Variants in DLGAP2 observed in about 807,000 individuals in gnomAD.
DLGAP2 encodes the protein disks large-associated protein 2.
Under a neutral mutation model 100.3 loss-of-function variants are expected in DLGAP2, and 26 were observed. That is an observed-to-expected ratio of 0.26 (90% CI 0.19 to 0.36). The LOEUF is 0.36. Ranked by LOEUF, DLGAP2 falls within the 10% of genes least tolerant of loss-of-function variation. The pLI, the probability that DLGAP2 is intolerant of heterozygous loss-of-function variation, is 1.00. For missense variants in DLGAP2, 1,858 were observed against 1,453.2 expected (o/e 1.28, Z -4.53); for synonymous variants, 886 against 630.1 (o/e 1.41, Z -6.08).
At chr8:1,452,885 G>T (rs568152806) in intron 3 of DLGAP2, among the ~76,000 whole-genome samples, 5 of 152,170 alleles carry the variant, frequency 3.3e-5, no homozygotes, top group Non-Finnish European at 5.9e-5. Flanking sequence ...TTGTAAAAGG[G>T]GGGTGGCCAG....
chr8:823,157 C>T (rs1052829648), intron 1 of DLGAP2, among the ~76,000 whole-genome samples: 4 of 152,118 alleles, frequency 2.6e-5, no homozygotes, highest in East Asian at 1.9e-4. Flanking sequence ...CTCAGAGTTC[C>T]GATACTTTCT....
intron 2 of DLGAP2, among the ~76,000 whole-genome samples, chr8:1,187,964 G>A (rs1471449152): frequency 5.0e-5 from 6 of 119,502 alleles, no homozygotes; most frequent in Admixed American, 3.1e-4. Context: ...TTTCCCTCAC[G>A]GAATCTCAAA....
chr8:1,344,104 G>GGTCTTTGTACTCGGGGCGCTGTCGTGT (rs1801486006), intron 3 of DLGAP2, among the ~76,000 whole-genome samples: 2 of 60,944 alleles, frequency 3.3e-5, no homozygotes, highest in African/African-American at 9.9e-5. Flanking sequence ...CCCTGTCGTG[G>GGTCTTTGTACTCGGGGCGCTGTCGTGT]GTCCATGTAT....
chr8:1,234,329 C>T (rs1327937044), intron 2 of DLGAP2, among the ~76,000 whole-genome samples: 1 of 152,142 alleles, frequency 6.6e-6, no homozygotes, highest in Non-Finnish European at 1.5e-5. Flanking sequence ...TCTTCTGAGC[C>T]TGTGAGGGAA....
intron 8 of DLGAP2, 118 bp downstream of exon 8, chr8:1,633,164 T>G: frequency 1.1e-6 from 1 of 899,416 alleles, no homozygotes; most frequent in Non-Finnish European, 1.7e-6. Context: ...TGACATCTAG[T>G]AACGTTTCCT....
intron 3 of DLGAP2, among the ~76,000 whole-genome samples, chr8:1,340,056 G>A (rs757962110): frequency 2.0e-5 from 3 of 152,118 alleles, no homozygotes; most frequent in Non-Finnish European, 4.4e-5. Context: ...TGCAGAAACT[G>A]GACCCCTTTC....
At position 1,364,356 on chromosome 8, in the gene DLGAP2, G is replaced by A. The variant is rs560244924; in HGVS notation, c.106+105473G>A. Among the ~76,000 whole-genome samples, 7 of 152,300 alleles carry A rather than the reference G, an allele frequency of 4.6e-5. No homozygotes were observed. The South Asian group carries it at 1.2e-3, about 27-fold the overall frequency. On this transcript the variant is annotated intron_variant, in intron 3 of 14. Transcript: ENST00000637795. ...TCAGAATAGGATCGTTCTCGTGATC[G>A]TCAAGGGCTGCCACGTGCGGAATGA...
At position 838,019 on chromosome 8, in the gene DLGAP2, G is replaced by T. The variant is rs573969995; in HGVS notation, c.19-69893G>T. 2.6e-4 allele frequency among the ~76,000 whole-genome samples: 39 copies of T among 151,584 alleles called. No homozygotes were observed. In the South Asian group the frequency reaches 7.5e-3, roughly 29 times the overall value. On this transcript the variant is annotated intron_variant, in intron 1 of 14. Coordinates refer to ENST00000637795, the MANE Select transcript of DLGAP2 (RefSeq NM_001346810.2). The stretch of plus-strand genomic sequence containing the variant: ...TGGGGTTACAGGCGTGAGCCACTGT[G>T]CCCAGCCTGAAATTTATATATATTA...
At chr8:804,521 G>C (rs1375710043) in intron 1 of DLGAP2, among the ~76,000 whole-genome samples, 1 of 152,146 alleles carries the variant, frequency 6.6e-6, no homozygotes, top group East Asian at 1.9e-4. Context: ...CGAGATGCAG[G>C]GCTGACATGC....
intron 2 of DLGAP2, among the ~76,000 whole-genome samples, chr8:972,908 A>C (rs1278119535): frequency 6.6e-5 from 10 of 152,144 alleles, no homozygotes; most frequent in Non-Finnish European, 1.5e-5. Context: ...TGGACACAGC[A>C]GATGTTTCAG....
intron 4 of DLGAP2, among the ~76,000 whole-genome samples, chr8:1,510,102 C>G (rs968119849): frequency 1.3e-5 from 2 of 152,204 alleles, no homozygotes; most frequent in African/African-American, 4.8e-5. Context: ...TAAGGATTTG[C>G]CCCTTTAACT....
intron 2 of DLGAP2, among the ~76,000 whole-genome samples, chr8:1,157,760 T>G (rs1282226391): frequency 1.3e-5 from 2 of 152,244 alleles, no homozygotes; most frequent in Non-Finnish European, 2.9e-5. Context: ...TGCGTGGAGC[T>G]TCGTCATTTG....
intron 6 of DLGAP2, among the ~76,000 whole-genome samples, chr8:1,623,902 C>A (rs960598449): frequency 6.6e-6 from 1 of 152,228 alleles, no homozygotes; most frequent in African/African-American, 2.4e-5. Context: ...TCAGCGGCAA[C>A]ATTTATGTGT....
chr8:1,266,505 C>T (rs1283589803), intron 3 of DLGAP2, among the ~76,000 whole-genome samples: 1 of 152,148 alleles, frequency 6.6e-6, no homozygotes, highest in African/African-American at 2.4e-5. Context: ...AAGCATAAGT[C>T]AGATCATATT....
intron 2 of DLGAP2, among the ~76,000 whole-genome samples, chr8:1,245,256 A>G (rs1798879204): frequency 6.6e-6 from 1 of 152,228 alleles, no homozygotes; most frequent in Admixed American, 6.5e-5. Flanking sequence ...CCCAAGAGAA[A>G]TGAAACATAT....
At chr8:1,463,142 G>A (rs960783217) in intron 3 of DLGAP2, among the ~76,000 whole-genome samples, 1 of 152,138 alleles carries the variant, frequency 6.6e-6, no homozygotes, top group Non-Finnish European at 1.5e-5. Context: ...CCCGCTACTC[G>A]GGAGGCTGAG....
At chr8:781,197 A>G (rs953724681) in intron 1 of DLGAP2, among the ~76,000 whole-genome samples, 1 of 152,150 alleles carries the variant, frequency 6.6e-6, no homozygotes, top group Non-Finnish European at 1.5e-5. Context: ...AGTAAGGACT[A>G]TATTGCTCGG....
rs76654200 is a variant in DLGAP2 at position 1,667,308 on chromosome 8, C to T, written c.1811-1021C>T. On this transcript the variant is annotated intron_variant, in intron 8 of 14. Transcript: ENST00000637795. Reference sequence around the variant, plus strand: ...GGTAGGTTCTAAGAGTTATTTAATACAGTCATCATCTCCGGATGCATTTAT... The same window carrying T: ...GGTAGGTTCTAAGAGTTATTTAATATAGTCATCATCTCCGGATGCATTTAT... 5.5e-3 allele frequency among the ~76,000 whole-genome samples: 830 copies of T among 152,266 alleles called. 7 individuals are homozygous for T. Among genetic ancestry groups the T allele is most frequent in the African/African-American group, 0.018 (760 of 41,542 alleles).
At chr8:1,549,717 C>G (rs375790972) in intron 5 of DLGAP2, 34 bp downstream of exon 5, 4 of 1,503,046 alleles carry the variant, frequency 2.7e-6, no homozygotes, top group East Asian at 2.5e-5. Flanking sequence ...GAGGCCGTCT[C>G]GGCACAGCAG....
Sources: gnomAD v4.1 joint callset for allele counts (sites outside exome capture counted in the v4.1 genomes callset) on GRCh38, gnomAD v4.1.1 for gene constraint, MANE v1.5 for transcripts, NCBI Gene and HGNC (gene_info 2026-07-23, HGNC 2026-07-21) for gene names.